DUS2: variants seen among roughly 807,000 people sequenced by gnomAD.
DUS2 encodes dihydrouridine synthase 2, also known as tRNA-dihydrouridine(20) synthase [NAD(P)+]-like.
DUS2 carries 52 observed loss-of-function variants against 71.3 expected under a neutral mutation model. That is an observed-to-expected ratio of 0.73 (90% CI 0.58 to 0.92). The LOEUF is 0.92. Among genes scored for constraint, DUS2 ranks in the 40% least tolerant of loss-of-function variants. The pLI is 0.00. For missense variants in DUS2, 558 were observed against 622.6 expected (o/e 0.90, Z 1.10); for synonymous variants, 204 against 227.8 (o/e 0.90, Z 0.94).
At chr16:68,035,929 T>TATATATATATAC (rs1416625748) in intron 2 of DUS2, among the ~76,000 whole-genome samples, 20 of 108,542 alleles carry the variant, frequency 1.8e-4, no homozygotes, top group African/African-American at 7.4e-4. Flanking sequence ...TATATATATA[T>TATATATATATAC]ACACACATAC....
At position 68,078,839 on chromosome 16, in the gene DUS2, C is replaced by T; in HGVS notation, c.1335C>T (p.Ser445=). Residue 445 remains serine (S), a synonymous_variant, in exon 17 of 17, where the codon AGC becomes AGT. Coordinates refer to ENST00000565263, the MANE Select transcript of DUS2 (RefSeq NM_017803.5). The stretch of plus-strand genomic sequence containing the variant: ...CTGAGGGTCGGCTGGGTGAGGAGAG[C>T]CCTTCCTTGCACAAGCGAAAGAGGG... The part of the protein sequence containing the change: ...GLPEGRLGEE[S]PSLHKRKREA... The T allele has an allele frequency of 1.1e-5, 17 of 1,613,778 alleles. No homozygotes were observed. The highest frequency in any genetic ancestry group is 1.4e-5 in the Non-Finnish European group (17 of 1,179,888).
Position 68,078,985 on chromosome 16 carries a change from G to T in DUS2, c.1481G>T (p.Ter494LeuextTer6). 1 of 1,560,936 alleles carries T rather than the reference G, an allele frequency of 6.4e-7. No individual in the cohort carries two copies. Among genetic ancestry groups the T allele is most frequent in the Non-Finnish European group, 8.7e-7 (1 of 1,150,690 alleles). Residue 494 changes from the stop codon to leucine (L), a stop_lost, in exon 17 of 17, where the codon TGA becomes TTA. Coordinates refer to ENST00000565263, the MANE Select transcript of DUS2 (RefSeq NM_017803.5). ...GAAGAAAGCCCCCTGGAAGGCTGGT[G>T]ACTACTCTTCCTGCCTTAGTCACCC... ...SGEESPLEGW* is the reference protein window; with the variant it reads ...SGEESPLEGWL
intron 3 of DUS2, among the ~76,000 whole-genome samples, chr16:68,039,740 G>A (rs1486320739): frequency 6.9e-6 from 1 of 144,450 alleles, no homozygotes; most frequent in Non-Finnish European, 1.5e-5. Context: ...TTGAAAAAAA[G>A]CAAGGAAGGG....
intron 4 of DUS2, among the ~76,000 whole-genome samples, chr16:68,052,373 A>G (rs1400132111): frequency 6.6e-6 from 1 of 152,204 alleles, no homozygotes; most frequent in African/African-American, 2.4e-5. Flanking sequence ...ACATCAGGCA[A>G]CTCAAAACTT....
At chr16:68,046,185 C>T (rs1056596179) in intron 3 of DUS2, among the ~76,000 whole-genome samples, 4 of 151,994 alleles carry the variant, frequency 2.6e-5, no homozygotes, top group South Asian at 4.1e-4. Context: ...CTTTTTTAGC[C>T]CTTGCCTCCT....
At chr16:68,071,199 T>TGG in intron 12 of DUS2, 91 bp downstream of exon 12, 5 of 1,398,638 alleles carry the variant, frequency 3.6e-6, no homozygotes, top group South Asian at 1.2e-5. Flanking sequence ...AGCTGCCAGC[T>TGG]GTGCTTGCTG....
rs183429798 is a variant in DUS2 at position 68,049,058 on chromosome 16, C to G, written c.127-447C>G. ...AGACTTTTCTTTCCTGTGTTCATCT[C>G]AGATCTTCCTCCCTTTGCTTCTATT... On this transcript the variant is annotated intron_variant, in intron 3 of 16. Coordinates refer to ENST00000565263, the MANE Select transcript of DUS2 (RefSeq NM_017803.5). 3.3e-5 allele frequency among the ~76,000 whole-genome samples: 5 copies of G among 152,234 alleles called. No homozygotes were observed. The East Asian group carries it at 7.7e-4, about 24-fold the overall frequency.
At chr16:68,024,634 CAATT>C (rs2033317120) in intron 1 of DUS2, among the ~76,000 whole-genome samples, 1 of 152,048 alleles carries the variant, frequency 6.6e-6, no homozygotes, top group African/African-American at 2.4e-5. Flanking sequence ...TTGTGCTACA[CAATT>C]AGACTTTCTG....
At chr16:68,060,783 G>A (rs1187615269) in intron 7 of DUS2, among the ~76,000 whole-genome samples, 1 of 152,112 alleles carries the variant, frequency 6.6e-6, no homozygotes, top group Non-Finnish European at 1.5e-5. Flanking sequence ...GGGAGGTGGA[G>A]GTTGCAGTGA....
intron 3 of DUS2, among the ~76,000 whole-genome samples, chr16:68,048,658 C>T (rs971418168): frequency 2.6e-5 from 4 of 152,128 alleles, no homozygotes; most frequent in African/African-American, 4.8e-5. Flanking sequence ...CTAGGTACTC[C>T]GATGAGTGAG....
Position 68,078,501 on chromosome 16 carries a change from G to A in DUS2, c.1227G>A (p.Lys409=), listed in dbSNP as rs1485778200. The A allele has an allele frequency of 6.2e-7, 1 of 1,614,084 alleles. No homozygotes were observed. Among genetic ancestry groups the A allele is most frequent in the Admixed American group, 1.7e-5 (1 of 60,032 alleles). Reference sequence around the variant, plus strand: ...CTATTGTCACCGTTGCTGAACAAAAGTATCAGTCTACCTTGTGGTAAGTTT... The same window carrying A: ...CTATTGTCACCGTTGCTGAACAAAAATATCAGTCTACCTTGTGGTAAGTTT... The part of the protein sequence containing the change: ...FSSIVTVAEQ[K]YQSTLWDKSK... Residue 409 remains lysine (K), a synonymous_variant, in exon 16 of 17, where the codon AAG becomes AAA. Transcript: ENST00000565263.
intron 10 of DUS2, among the ~76,000 whole-genome samples, chr16:68,067,604 A>C (rs562468754): frequency 5.9e-5 from 9 of 151,304 alleles, no homozygotes; most frequent in African/African-American, 2.2e-4. Flanking sequence ...TATTATATTG[A>C]GCAATGACTT....
intron 2 of DUS2, among the ~76,000 whole-genome samples, chr16:68,034,585 C>G (rs530136594): frequency 6.6e-6 from 1 of 152,202 alleles, no homozygotes; most frequent in East Asian, 1.9e-4. Flanking sequence ...AGGCTTGTCT[C>G]AAACTCCTGA....
Position 68,078,853 on chromosome 16 carries a change from A to C in DUS2, c.1349A>C (p.Lys450Thr). 6.2e-7 allele frequency: 1 copy of C among 1,613,822 alleles called. No individual in the cohort carries two copies. Among genetic ancestry groups the C allele is most frequent in the Non-Finnish European group, 8.5e-7 (1 of 1,179,840 alleles). Residue 450 changes from lysine to threonine, a missense_variant, in exon 17 of 17, where the codon AAG becomes ACG. Physicochemically the swap from Lys to Thr is moderately conservative, Grantham distance 78. Coordinates refer to ENST00000565263, the MANE Select transcript of DUS2 (RefSeq NM_017803.5). ...RLGEESPSLH[K>T]RKREAPDQDP... ...GGTGAGGAGAGCCCTTCCTTGCACA[A>C]GCGAAAGAGGGAGGCTCCTGACCAA... is the stretch of plus-strand genomic sequence containing the variant.
At chr16:68,053,081 G>A (rs1443012889) in intron 4 of DUS2, among the ~76,000 whole-genome samples, 1 of 151,746 alleles carries the variant, frequency 6.6e-6, no homozygotes, top group African/African-American at 2.4e-5. Flanking sequence ...TCCTGCCTCA[G>A]CCTCTCGAGT....
At position 68,046,840 on chromosome 16, in the gene DUS2, G is replaced by A. The variant is rs980871401; in HGVS notation, c.127-2665G>A. Among the ~76,000 whole-genome samples the A allele has an allele frequency of 5.9e-5, 9 of 151,384 alleles. No individual in the cohort carries two copies. In the East Asian group the frequency reaches 1.4e-3, roughly 23 times the overall value. ...TGGCTCACTGCAAGCTCCGCCTGCC[G>A]GATTCATGCCATTCTCCTGCCTCAG... On this transcript the variant is annotated intron_variant, in intron 3 of 16. Coordinates refer to ENST00000565263, the MANE Select transcript of DUS2 (RefSeq NM_017803.5).
chr16:68,040,167 C>T (rs2033602165), intron 3 of DUS2, among the ~76,000 whole-genome samples: 1 of 151,970 alleles, frequency 6.6e-6, no homozygotes, highest in Non-Finnish European at 1.5e-5. Flanking sequence ...TCACTGCAAC[C>T]TCTGCTTCCC....
Position 68,078,933 on chromosome 16 carries a change from A to C in DUS2, c.1429A>C (p.Lys477Gln). 6.2e-7 allele frequency: 1 copy of C among 1,605,090 alleles called. No individual in the cohort carries two copies. The highest frequency in any genetic ancestry group is 1.3e-5 in the African/African-American group (1 of 74,796). ...ELAQPGDLCK[K>Q]PFVALGSGEE... The stretch of plus-strand genomic sequence containing the variant: ...AGCACAACCTGGGGATCTGTGCAAG[A>C]AGCCCTTTGTGGCCTTGGGAAGTGG... Residue 477 changes from lysine (K) to glutamine (Q), a missense_variant, in exon 17 of 17, where the codon AAG (lysine) becomes CAG (glutamine). By Grantham distance (53) the Lys-to-Gln change is moderately conservative. Transcript: ENST00000565263.
At position 68,071,000 on chromosome 16, in the gene DUS2, G is replaced by A. The variant is rs767789925; in HGVS notation, c.702G>A (p.Thr234=). Reference sequence around the variant, plus strand: ...ACATAGAGGACTTTCGACAAGCCACGGCAGCCTCTTCCGTGATGGTGGCCC... The same window carrying A: ...ACATAGAGGACTTTCGACAAGCCACAGCAGCCTCTTCCGTGATGGTGGCCC... ...YSDIEDFRQA[T]AASSVMVARA... is the part of the protein sequence containing the mutation. Residue 234 remains threonine (T), a synonymous_variant, in exon 12 of 17, where the codon ACG becomes ACA. Transcript: ENST00000565263. 16 of 1,614,172 alleles carry A rather than the reference G, an allele frequency of 9.9e-6. No homozygotes were observed. In the East Asian group the frequency reaches 1.6e-4, roughly 16 times the overall value.
Sources: gnomAD v4.1 joint callset for allele counts (sites outside exome capture counted in the v4.1 genomes callset) on GRCh38, gnomAD v4.1.1 for gene constraint, MANE v1.5 for transcripts, NCBI Gene and HGNC (gene_info 2026-07-23, HGNC 2026-07-21) for gene names.